KLF3: variants seen among roughly 807,000 people sequenced by gnomAD.
KLF3 encodes Krueppel-like factor 3.
Under a neutral mutation model 32.7 loss-of-function variants are expected in KLF3, and 6 were observed. That is an observed-to-expected ratio of 0.18 (90% CI 0.10 to 0.36). The LOEUF is 0.36. KLF3 is among the 10% of genes least tolerant of loss of function. KLF3 has a pLI of 1.00. For missense variants in KLF3, 338 were observed against 449.7 expected (o/e 0.75, Z 2.25); for synonymous variants, 145 against 172.8 (o/e 0.84, Z 1.26).
intron 1 of KLF3, among the ~76,000 whole-genome samples, chr4:38,678,445 G>A (rs561708695): frequency 6.6e-6 from 1 of 152,320 alleles, no homozygotes. Context: ...TAAGAGGGTA[G>A]TAGCACTATT....
At chr4:38,679,270 A>C (rs1722446220) in intron 1 of KLF3, among the ~76,000 whole-genome samples, 1 of 152,254 alleles carries the variant, frequency 6.6e-6, no homozygotes, top group South Asian at 2.1e-4. Flanking sequence ...TCAAAAGAAG[A>C]AATCCAAATG....
intron 1 of KLF3, among the ~76,000 whole-genome samples, chr4:38,670,118 C>T (rs1444682602): frequency 6.6e-6 from 1 of 152,136 alleles, no homozygotes; most frequent in East Asian, 1.9e-4. Context: ...AGGCTGAATT[C>T]ATTATCATTT....
Position 38,697,306 on chromosome 4 carries a change from GCTCT to G in KLF3, c.*50_*53del, listed in dbSNP as rs762277039. 6.6e-6 allele frequency: 10 copies of G among 1,513,108 alleles called. No homozygotes were observed. Among genetic ancestry groups the G allele is most frequent in the Non-Finnish European group, 9.0e-6 (10 of 1,115,132 alleles). 93.7% of individuals were successfully genotyped at this position (1,513,108 alleles called of 1,614,324 possible). A position where few individuals can be genotyped will look rare whatever the true frequency, so the allele number is the denominator to read the frequency against. On this transcript the variant is annotated 3_prime_UTR_variant, in exon 6 of 6. Coordinates refer to ENST00000261438, the MANE Select transcript of KLF3 (RefSeq NM_016531.6). ...CTCAGCGTGACTCCCCACTCACCTGGCTCTCTCTCTGTCCTGCCTCCCATTATCT... is the reference window on the plus strand; with the variant it reads ...CTCAGCGTGACTCCCCACTCACCTGGCTCTCTGTCCTGCCTCCCATTATCT...
intron 1 of KLF3, among the ~76,000 whole-genome samples, chr4:38,667,189 T>C (rs767007642): frequency 6.2e-4 from 94 of 152,340 alleles, no homozygotes; most frequent in Non-Finnish European, 1.1e-3. Flanking sequence ...CAGCTGCTCA[T>C]GAATATAGGG....
At position 38,671,980 on chromosome 4, in the gene KLF3, G is replaced by A. The variant is rs1384991160; in HGVS notation, c.-40+7519G>A. Among the ~76,000 whole-genome samples, 4 of 151,776 alleles carry A rather than the reference G, an allele frequency of 2.6e-5. No homozygotes were observed. The highest frequency in any genetic ancestry group is 7.3e-5 in the African/African-American group (3 of 41,274). On this transcript the variant is annotated intron_variant, in intron 1 of 5. Transcript: ENST00000261438. This position sits in a 1 kb window ranked among gnomAD's most constrained non-coding sequence, Gnocchi z 4.4. ...GATTTTAAAGTACAGTAGAGACCTC[G>A]ACACTAGACTTGTTTAGAAGACCTC...
At chr4:38,672,048 A>C (rs1304527489) in intron 1 of KLF3, among the ~76,000 whole-genome samples, 3 of 152,200 alleles carry the variant, frequency 2.0e-5, no homozygotes, top group Admixed American at 6.5e-5. Context: ...GGTACTAATA[A>C]GGTCTCTGGA....
At chr4:38,694,670 G>A (rs1722997411) in intron 4 of KLF3, 76 bp from the exon 5 acceptor site, 2 of 1,301,932 alleles carry the variant, frequency 1.5e-6, no homozygotes, top group Non-Finnish European at 1.0e-6. Context: ...GCCCAGTGTT[G>A]TTAATGCTTT....
intron 1 of KLF3, among the ~76,000 whole-genome samples, chr4:38,677,776 G>C (rs1000684947): frequency 4.6e-5 from 7 of 152,200 alleles, no homozygotes; most frequent in Non-Finnish European, 4.4e-5. Context: ...GCAAACGCCA[G>C]ACATTTTTGC....
intron 4 of KLF3, among the ~76,000 whole-genome samples, chr4:38,692,633 G>A (rs557089154): frequency 6.6e-6 from 1 of 152,292 alleles, no homozygotes; most frequent in South Asian, 2.1e-4. Context: ...GGATCACAGA[G>A]ACTGTCAGTG....
chr4:38,670,601 T>C (rs1722171622), intron 1 of KLF3, among the ~76,000 whole-genome samples: 1 of 152,228 alleles, frequency 6.6e-6, no homozygotes, highest in Non-Finnish European at 1.5e-5. Context: ...AGCTTCACAC[T>C]CCAAAGCCTC....
chr4:38,670,007 C>A (rs1354757499), intron 1 of KLF3, among the ~76,000 whole-genome samples: 5 of 146,022 alleles, frequency 3.4e-5, no homozygotes, highest in Admixed American at 2.1e-4. Flanking sequence ...AAAAAATGAT[C>A]TGTGCATTTT....
rs931691148 is a variant in KLF3 at position 38,693,107 on chromosome 4, C to T, written c.696-1639C>T. On this transcript the variant is annotated intron_variant, in intron 4 of 5. Transcript: ENST00000261438. ...ATATATACACGTATATATATATGTA[C>T]ATATATATACATATATATATACGTG... Among the ~76,000 whole-genome samples the T allele has an allele frequency of 2.3e-3, 96 of 41,288 alleles. 1 individual carries two copies. Among genetic ancestry groups the T allele is most frequent in the African/African-American group, 7.0e-3 (76 of 10,810 alleles). The allele number at this position is 41,288 out of a possible 152,430, so 27.1% of individuals were successfully genotyped here.
intron 2 of KLF3, among the ~76,000 whole-genome samples, chr4:38,686,094 T>C (rs1722686803): frequency 6.6e-6 from 1 of 152,228 alleles, no homozygotes. Flanking sequence ...GCTGTTTTTA[T>C]GCATTTTGTG....
chr4:38,695,082 T>C (rs1241736147), intron 5 of KLF3, among the ~76,000 whole-genome samples, 176 bp downstream of exon 5: 2 of 152,222 alleles, frequency 1.3e-5, no homozygotes, highest in African/African-American at 2.4e-5. Flanking sequence ...TTTGCCTTTG[T>C]AATAAGTTAG....
At chr4:38,684,229 A>G (rs1368285509) in intron 2 of KLF3, among the ~76,000 whole-genome samples, 3 of 152,208 alleles carry the variant, frequency 2.0e-5, no homozygotes, top group Non-Finnish European at 4.4e-5. Flanking sequence ...GAAATTATCC[A>G]AACATGGTAC....
rs144029561 is a variant in KLF3 at position 38,678,535 on chromosome 4, A to C, written c.-39-2052A>C. Among the ~76,000 whole-genome samples the C allele has an allele frequency of 1.6e-3, 245 of 152,350 alleles. 2 individuals are homozygous for C. Among genetic ancestry groups the C allele is most frequent in the African/African-American group, 5.7e-3 (236 of 41,578 alleles). ...TGGAGGAAAATATAATTTTGAAGTC[A>C]AGGCCTTATGTCGAGTTATTGATGA... On this transcript the variant is annotated intron_variant, in intron 1 of 5. Coordinates refer to ENST00000261438, the MANE Select transcript of KLF3 (RefSeq NM_016531.6).
intron 1 of KLF3, among the ~76,000 whole-genome samples, chr4:38,665,262 G>A (rs1267506640): frequency 6.6e-6 from 1 of 152,168 alleles, no homozygotes; most frequent in African/African-American, 2.4e-5. Context: ...CAGCGTGGCT[G>A]AAGGCGGAAG....
Position 38,689,053 on chromosome 4 carries a change from T to C in KLF3, c.526T>C (p.Ser176Pro). The change falls in exon 3 of 6, where the codon TCC becomes CCC. Residue 176 changes from serine to proline, a missense_variant. Ser to Pro is a moderately conservative substitution (Grantham distance 74). Around this residue, in one of 2 missense-constraint regions of KLF3, gnomAD observed 272 missense variants for 313.4 expected, o/e 0.87. Transcript: ENST00000261438. ...CTCCTTATCGGAGGAGATGGAAAAT[T>C]CCAGTAGTAGCATGCAAGGTAAATT... ...MVSLSEEMENSSSSMQVPVIE... is the reference protein window; with the variant it reads ...MVSLSEEMENPSSSMQVPVIE... The C allele has an allele frequency of 6.2e-7, 1 of 1,613,522 alleles. No individual in the cohort carries two copies. Among genetic ancestry groups the C allele is most frequent in the Non-Finnish European group, 8.5e-7 (1 of 1,179,434 alleles).
At chr4:38,683,556 C>T (rs73232891) in intron 2 of KLF3, among the ~76,000 whole-genome samples, 4,151 of 151,404 alleles carry the variant, frequency 0.027, 63 homozygotes, top group Middle Eastern at 0.086. Flanking sequence ...AGCAGCTCCC[C>T]GAGCTTCTGT....
Sources: gnomAD v4.1 joint callset for allele counts (sites outside exome capture counted in the v4.1 genomes callset) on GRCh38, gnomAD v4.1.1 for gene constraint, gnomAD v4.1.1 regional missense constraint, Gnocchi (gnomAD v3.1) non-coding constraint, MANE v1.5 for transcripts, NCBI Gene and HGNC (gene_info 2026-07-23, HGNC 2026-07-21) for gene names.